The following NEK11 variants were observed in gnomAD, a reference collection of about 807,000 sequenced individuals.
NEK11 encodes NIMA related kinase 11, also known as serine/threonine-protein kinase Nek11.
NEK11 carries 72 observed loss-of-function variants against 80.7 expected under a neutral mutation model. That is an observed-to-expected ratio of 0.89 (90% CI 0.74 to 1.08). The LOEUF (loss-of-function observed/expected upper bound fraction) is 1.08. Ranked by LOEUF, NEK11 falls within the 50% of genes least tolerant of loss-of-function variation. The probability of loss-of-function intolerance (pLI) is 0.00; values close to 1 mark genes in which losing one functional copy is unlikely to be tolerated. For missense variants in NEK11, 764 were observed against 763.6 expected, an observed-to-expected ratio of 1.00 and a Z score of -0.01; for synonymous variants, 251 against 260.7, an observed-to-expected ratio of 0.96 and a Z score of 0.36.
At chr3:131,231,605 A>G (rs1341484724) in intron 15 of NEK11, among the ~76,000 whole-genome samples, 1 of 151,770 alleles carries the variant, frequency 6.6e-6, no homozygotes, top group Non-Finnish European at 1.5e-5. Context: ...GAGACAGGTA[A>G]TTACAACCCC....
intron 6 of NEK11, chr3:131,133,162 T>G: frequency 2.3e-6 from 1 of 431,060 alleles, no homozygotes; most frequent in Non-Finnish European, 4.5e-6. Flanking sequence ...TTACTACAGG[T>G]TTCTCATTTA....
At chr3:131,184,884 G>T in intron 14 of NEK11, 1 of 317,112 alleles carries the variant, frequency 3.2e-6, no homozygotes, top group Non-Finnish European at 5.6e-6. Flanking sequence ...TTAAAAATAT[G>T]GTTTGTTCTT....
At chr3:131,168,577 C>T (rs1370590950) in intron 12 of NEK11, among the ~76,000 whole-genome samples, 6 of 151,816 alleles carry the variant, frequency 4.0e-5, no homozygotes, top group South Asian at 2.1e-4. Flanking sequence ...AGGATGGTCT[C>T]GATCTCCTGA....
chr3:131,255,056 GAC>G (rs1280332705), intron 16 of NEK11, among the ~76,000 whole-genome samples: 4 of 144,372 alleles, frequency 2.8e-5, no homozygotes, highest in South Asian at 4.6e-4. Flanking sequence ...GAGAGAGACA[GAC>G]AGACAGACAG....
At chr3:131,345,897 A>G (rs568360073) in intron 17 of NEK11, among the ~76,000 whole-genome samples, 5 of 152,322 alleles carry the variant, frequency 3.3e-5, no homozygotes, top group South Asian at 4.1e-4. Context: ...CCTGGAGGAC[A>G]TTACGCTAAG....
intron 3 of NEK11, among the ~76,000 whole-genome samples, chr3:131,051,033 CAA>C (rs889618657): frequency 6.6e-6 from 1 of 151,470 alleles, no homozygotes; most frequent in African/African-American, 2.4e-5. Flanking sequence ...ACCCTGCCTC[CAA>C]AAAAAATTAG....
At chr3:131,139,353 G>GAAAAAAAAAAAAAAAA (rs71622003) in intron 7 of NEK11, among the ~76,000 whole-genome samples, 2 of 107,538 alleles carry the variant, frequency 1.9e-5, no homozygotes, top group African/African-American at 8.6e-5. Context: ...AGAGAAAAAA[G>GAAAAAAAAAAAAAAAA]AAAAAAAAAA....
intron 17 of NEK11, among the ~76,000 whole-genome samples, chr3:131,291,407 CT>C (rs1440929152): frequency 6.6e-6 from 1 of 152,170 alleles, no homozygotes; most frequent in Non-Finnish European, 1.5e-5. Context: ...TCAATTCTCT[CT>C]GTGGACATAT....
chr3:131,053,835 A>G (rs533168746), intron 3 of NEK11: 1 of 152,370 alleles, frequency 6.6e-6, no homozygotes, highest in South Asian at 2.1e-4. Flanking sequence ...CAAAAATGGG[A>G]TATGCTTTAA....
At chr3:131,346,765 T>C (rs552029510) in intron 17 of NEK11, among the ~76,000 whole-genome samples, 24 of 152,074 alleles carry the variant, frequency 1.6e-4, no homozygotes, top group African/African-American at 5.6e-4. Context: ...CTGGTAAGTA[T>C]GGTGGGAGGG....
At chr3:131,233,404 G>T (rs1046483046) in intron 15 of NEK11, among the ~76,000 whole-genome samples, 2 of 152,104 alleles carry the variant, frequency 1.3e-5, no homozygotes, top group Non-Finnish European at 2.9e-5. Flanking sequence ...TATCTTGAAG[G>T]GACTTGTAAG....
chr3:131,339,599 G>C (rs1375990808), intron 17 of NEK11, among the ~76,000 whole-genome samples: 1 of 152,202 alleles, frequency 6.6e-6, no homozygotes, highest in African/African-American at 2.4e-5. Flanking sequence ...TATAAAGTGT[G>C]ATGGTGGGGG....
chr3:131,240,483 C>T (rs1177197605), intron 15 of NEK11, among the ~76,000 whole-genome samples: 1 of 152,134 alleles, frequency 6.6e-6, no homozygotes, highest in Non-Finnish European at 1.5e-5. Flanking sequence ...AAGGCTTCAT[C>T]TCTCTTCCTT....
intron 5 of NEK11, among the ~76,000 whole-genome samples, chr3:131,127,244 C>T (rs900527237): frequency 5.9e-5 from 9 of 151,822 alleles, no homozygotes; most frequent in East Asian, 3.8e-4. Context: ...GGATTATAGG[C>T]GTGAGCCACT....
At chr3:131,116,934 C>A (rs2081338341) in intron 5 of NEK11, among the ~76,000 whole-genome samples, 1 of 152,148 alleles carries the variant, frequency 6.6e-6, no homozygotes, top group South Asian at 2.1e-4. Flanking sequence ...GTTGCCTGTT[C>A]ACTCTGATGG....
intron 15 of NEK11, among the ~76,000 whole-genome samples, chr3:131,230,149 G>A (rs981411187): frequency 6.2e-5 from 4 of 65,010 alleles, no homozygotes; most frequent in Non-Finnish European, 1.0e-4. Flanking sequence ...TAAAATTTTA[G>A]CTACTAATAT....
At chr3:131,126,373 T>A (rs1286990539) in intron 5 of NEK11, among the ~76,000 whole-genome samples, 4 of 152,236 alleles carry the variant, frequency 2.6e-5, no homozygotes. Context: ...AACACTCAGT[T>A]TCTTTGTTTG....
rs115630789 is a variant in NEK11 at position 131,122,816 on chromosome 3, C to G, written c.456-9929C>G. 3.1e-3 allele frequency among the ~76,000 whole-genome samples: 469 copies of G among 149,536 alleles called. 2 individuals carry two copies. Among genetic ancestry groups the G allele is most frequent in the African/African-American group, 0.011 (448 of 39,410 alleles). On this transcript the variant is annotated intron_variant, in intron 5 of 17. Coordinates refer to ENST00000383366, the MANE Select transcript of NEK11 (RefSeq NM_024800.5). ...ACTGTTCTTCATCCTAGCATGGGCCCTGGATGCTGGGGAAGAATGACCTGA... is the reference window on the plus strand; with the variant it reads ...ACTGTTCTTCATCCTAGCATGGGCCGTGGATGCTGGGGAAGAATGACCTGA...
At chr3:131,233,243 G>A (rs535902543) in intron 15 of NEK11, among the ~76,000 whole-genome samples, 2 of 152,264 alleles carry the variant, frequency 1.3e-5, no homozygotes, top group Admixed American at 6.5e-5. Context: ...CCAGCACTGC[G>A]AAAGAATGGC....
Sources: gnomAD v4.1 joint callset for allele counts (sites outside exome capture counted in the v4.1 genomes callset) on GRCh38, gnomAD v4.1.1 for gene constraint, MANE v1.5 for transcripts, NCBI Gene and HGNC (gene_info 2026-07-23, HGNC 2026-07-21) for gene names.